The following COL26A1 variants were observed in gnomAD, a reference collection of about 807,000 sequenced individuals.
COL26A1 encodes the protein collagen type XXVI alpha 1 chain.
A neutral mutation model predicts 59.3 loss-of-function variants in COL26A1; 41 were observed. The ratio of observed to expected loss-of-function variants is 0.69; its 90% CI spans 0.54 to 0.90. COL26A1 has a LOEUF of 0.90. Ranked by LOEUF, COL26A1 falls within the 40% of genes least tolerant of loss-of-function variation. The probability of loss-of-function intolerance (pLI) is 0.00; values close to 1 mark genes in which losing one functional copy is unlikely to be tolerated. For missense variants in COL26A1, 612 were observed against 602.3 expected, an observed-to-expected ratio of 1.02 and a Z score of -0.17; for synonymous variants, 266 against 256.0, an observed-to-expected ratio of 1.04 and a Z score of -0.37.
chr7:101,433,896 TTAC>T (rs1470547841), intron 2 of COL26A1, among the ~76,000 whole-genome samples: 1 of 152,080 alleles, frequency 6.6e-6, no homozygotes, highest in Non-Finnish European at 1.5e-5. Flanking sequence ...TCCCAGGACT[TTAC>T]TACATGGACC....
intron 1 of COL26A1, among the ~76,000 whole-genome samples, chr7:101,384,494 C>T (rs926279797): frequency 1.3e-5 from 2 of 151,954 alleles, no homozygotes; most frequent in African/African-American, 4.8e-5. Flanking sequence ...TCCCAAAGTG[C>T]TGGGATTACA....
At position 101,387,778 on chromosome 7, in the gene COL26A1, A is replaced by ATATTT. The variant is rs773025730; in HGVS notation, c.158+24589_158+24590insATTTT. Among the ~76,000 whole-genome samples, 229 of 84,772 alleles carry ATATTT rather than the reference A, an allele frequency of 2.7e-3. 4 individuals are homozygous for ATATTT. The highest frequency in any genetic ancestry group is 0.011 in the African/African-American group (215 of 20,088). The allele number at this position is 84,772 out of a possible 152,430, so 55.6% of individuals were successfully genotyped here. The stretch of plus-strand genomic sequence containing the variant: ...TTTATATATATATATATATATATAT[A>ATATTT]TTTTTTTTTAAGACAGAGTCTCACT... On this transcript the variant is annotated intron_variant, in intron 1 of 12. Transcript: ENST00000313669.
chr7:101,411,736 C>T (rs965660962), intron 1 of COL26A1, among the ~76,000 whole-genome samples: 1 of 151,996 alleles, frequency 6.6e-6, no homozygotes, highest in Admixed American at 6.6e-5. Context: ...CAGGCAGGCA[C>T]AGTGGTGACT....
intron 3 of COL26A1, among the ~76,000 whole-genome samples, chr7:101,458,857 A>G (rs1275633620): frequency 6.8e-6 from 1 of 148,144 alleles, no homozygotes; most frequent in Non-Finnish European, 1.5e-5. Context: ...CCTGGAGTGC[A>G]GTGGCATGAT....
At chr7:101,505,984 C>T (rs1057095822) in intron 3 of COL26A1, among the ~76,000 whole-genome samples, 3 of 152,144 alleles carry the variant, frequency 2.0e-5, no homozygotes, top group African/African-American at 7.2e-5. Flanking sequence ...CCTCCCAGCT[C>T]GTTACACCTT....
At chr7:101,517,376 G>GA (rs111373059) in intron 3 of COL26A1, among the ~76,000 whole-genome samples, 28,734 of 151,916 alleles carry the variant, frequency 0.19, 3,161 homozygotes, top group African/African-American at 0.3. Flanking sequence ...GCAATTTACA[G>GA]AAAAAAAGAG....
chr7:101,388,373 T>C (rs1347876513), intron 1 of COL26A1, among the ~76,000 whole-genome samples: 1 of 151,414 alleles, frequency 6.6e-6, no homozygotes, highest in African/African-American at 2.4e-5. Context: ...TCTGGGAGGC[T>C]GAGGCAGGAG....
chr7:101,506,939 C>T (rs13245178), intron 3 of COL26A1, among the ~76,000 whole-genome samples: 45,908 of 149,430 alleles, frequency 0.31, 9,847 homozygotes, highest in African/African-American at 0.62. Flanking sequence ...TTTTTTTTTT[C>T]CCCCTCACTC....
chr7:101,543,174 C>CTT (rs11363180), intron 5 of COL26A1, among the ~76,000 whole-genome samples: 5,299 of 148,118 alleles, frequency 0.036, 164 homozygotes, highest in Middle Eastern at 0.081. Context: ...GATCAGCAAA[C>CTT]TTTTTTTTTT....
rs1001914126 is a variant in COL26A1, at chr7:101,362,978, G to C, written c.-55G>C. ...GCGGGTTCGGTCCGGGCGCCGGTGCGCTCCTGCCGGTCCTCGTGCCCGGGA... is the reference window on the plus strand; with the variant it reads ...GCGGGTTCGGTCCGGGCGCCGGTGCCCTCCTGCCGGTCCTCGTGCCCGGGA... On this transcript the variant is annotated 5_prime_UTR_variant, in exon 1 of 13. Transcript: ENST00000313669. The C allele has an allele frequency of 2.0e-6, 3 of 1,515,206 alleles. No individual in the cohort carries two copies. The African/African-American group carries it at 4.3e-5, about 22-fold the overall frequency. 93.9% of individuals were successfully genotyped at this position (1,515,206 alleles called of 1,614,324 possible). A position where few individuals can be genotyped will look rare whatever the true frequency, so the allele number is the denominator to read the frequency against.
intron 3 of COL26A1, among the ~76,000 whole-genome samples, chr7:101,496,810 TG>T (rs1794596647): frequency 7.0e-6 from 1 of 143,050 alleles, no homozygotes; most frequent in Non-Finnish European, 1.5e-5. Context: ...CACTTGAACC[TG>T]GGAGGTGGAG....
chr7:101,419,512 C>T (rs1458893314), intron 1 of COL26A1, among the ~76,000 whole-genome samples: 1 of 152,160 alleles, frequency 6.6e-6, no homozygotes. Context: ...CGTCCCCTCT[C>T]ACGGCCCCCA....
chr7:101,550,930 G>C (rs1359872132), intron 9 of COL26A1, among the ~76,000 whole-genome samples, 178 bp from the exon 10 acceptor site: 2 of 152,222 alleles, frequency 1.3e-5, no homozygotes, highest in Non-Finnish European at 2.9e-5. Flanking sequence ...AGCAGCTCCA[G>C]GTGGCTCCAG....
At chr7:101,486,935 CA>C (rs1181934503) in intron 3 of COL26A1, among the ~76,000 whole-genome samples, 1 of 152,212 alleles carries the variant, frequency 6.6e-6, no homozygotes, top group African/African-American at 2.4e-5. Flanking sequence ...CCCCCATGGT[CA>C]TCAGACAGGC....
chr7:101,416,071 A>T (rs1001445908), intron 1 of COL26A1, among the ~76,000 whole-genome samples: 4 of 142,134 alleles, frequency 2.8e-5, no homozygotes, highest in African/African-American at 9.9e-5. Flanking sequence ...TCTATATGGA[A>T]TTTTTTTTTC....
At chr7:101,408,405 C>T (rs1004092782) in intron 1 of COL26A1, among the ~76,000 whole-genome samples, 1 of 152,096 alleles carries the variant, frequency 6.6e-6, no homozygotes, top group Non-Finnish European at 1.5e-5. Flanking sequence ...TGGAGGGTGC[C>T]CCAGGAAGAG....
At chr7:101,426,849 C>T (rs1037305854) in intron 2 of COL26A1, among the ~76,000 whole-genome samples, 11 of 152,298 alleles carry the variant, frequency 7.2e-5, no homozygotes, top group Admixed American at 3.9e-4. Context: ...TCCCAGCGGG[C>T]AGTTCTGGCC....
chr7:101,369,060 G>T (rs910788833), intron 1 of COL26A1, among the ~76,000 whole-genome samples: 1 of 152,032 alleles, frequency 6.6e-6, no homozygotes, highest in Non-Finnish European at 1.5e-5. Flanking sequence ...TAGTTACTCT[G>T]TCTTCAACTT....
chr7:101,363,660 C>T (rs1258419592), intron 1 of COL26A1, among the ~76,000 whole-genome samples: 1 of 151,694 alleles, frequency 6.6e-6, no homozygotes, highest in East Asian at 2.0e-4. Context: ...GGTCCGGCTC[C>T]GGGGCTGCGG....
Sources: allele counts gnomAD v4.1 joint callset (sites outside exome capture counted in the v4.1 genomes callset), GRCh38; gene constraint gnomAD v4.1.1; transcripts MANE v1.5; gene names NCBI Gene and HGNC (gene_info 2026-07-23, HGNC 2026-07-21).